The following ARVCF variants were observed in gnomAD, a reference collection of about 807,000 sequenced individuals.
ARVCF encodes the protein splicing regulator ARVCF.
ARVCF carries 66 observed loss-of-function variants against 90.9 expected under a neutral mutation model. That is an observed-to-expected ratio of 0.73 (90% CI 0.60 to 0.89). The LOEUF (loss-of-function observed/expected upper bound fraction) is 0.89, where lower values mean the gene tolerates loss of function less well. Ranked by LOEUF, ARVCF falls within the 40% of genes least tolerant of loss-of-function variation. The pLI is 0.00. For missense variants in ARVCF, 1,469 were observed against 1,382.3 expected (o/e 1.06, Z -1.00); for synonymous variants, 653 against 603.4 (o/e 1.08, Z -1.21).
At chr22:19,973,415 C>G in intron 13 of ARVCF, 98 bp from the exon 14 acceptor site, 1 of 1,425,240 alleles carries the variant, frequency 7.0e-7, no homozygotes, top group Non-Finnish European at 9.3e-7. Flanking sequence ...CAGGAGAGCC[C>G]CTGGAGACCG....
At chr22:19,975,107 C>T (rs1377371182) in intron 11 of ARVCF, among the ~76,000 whole-genome samples, 1 of 152,214 alleles carries the variant, frequency 6.6e-6, no homozygotes, top group Non-Finnish European at 1.5e-5. Flanking sequence ...GTATCTGCAT[C>T]AGCCCTGCTC....
At position 19,996,721 on chromosome 22, in the gene ARVCF, T is replaced by C. The variant is rs143695915; in HGVS notation, c.-18-5909A>G. Among the ~76,000 whole-genome samples the C allele has an allele frequency of 2.7e-3, 405 of 152,028 alleles. 1 individual carries two copies. Among genetic ancestry groups the C allele is most frequent in the Middle Eastern group, 0.014 (4 of 294 alleles). Reference sequence around the variant, plus strand: ...GCATAATCAGAACCTCAGTAGGAAATAGACAAACCAGATACCCTCCCCACC... The same window carrying C: ...GCATAATCAGAACCTCAGTAGGAAACAGACAAACCAGATACCCTCCCCACC... On this transcript the variant is annotated intron_variant, in intron 2 of 19. Transcript: ENST00000263207.
At chr22:19,993,822 G>T (rs976155959) in intron 2 of ARVCF, among the ~76,000 whole-genome samples, 1 of 152,212 alleles carries the variant, frequency 6.6e-6, no homozygotes, top group African/African-American at 2.4e-5. Flanking sequence ...AAAGGTCGGG[G>T]CTAAACTGAA....
intron 2 of ARVCF, among the ~76,000 whole-genome samples, chr22:19,997,991 G>A (rs1222563538): frequency 3.3e-5 from 5 of 152,226 alleles, no homozygotes; most frequent in Non-Finnish European, 7.3e-5. Context: ...CCCGTCCTCT[G>A]TACTCTGGGG....
chr22:20,008,217 C>T (rs763679350), intron 2 of ARVCF, among the ~76,000 whole-genome samples: 3 of 152,276 alleles, frequency 2.0e-5, no homozygotes, highest in South Asian at 4.1e-4. Context: ...AGGGGCCAGG[C>T]GGCCGCAGGA....
chr22:20,013,543 C>T (rs777151205), intron 1 of ARVCF, among the ~76,000 whole-genome samples: 2 of 152,244 alleles, frequency 1.3e-5, no homozygotes, highest in African/African-American at 2.4e-5. Flanking sequence ...CCTGGTCTGC[C>T]GCAGGAAGCT....
At chr22:19,994,982 C>T (rs746331934) in intron 2 of ARVCF, among the ~76,000 whole-genome samples, 5 of 151,438 alleles carry the variant, frequency 3.3e-5, no homozygotes, top group South Asian at 2.1e-4. Context: ...GACAGACAGA[C>T]GGGTGAATGG....
In ARVCF at chr22:19,994,717, G is replaced by C. The variant is rs1181775459; in HGVS notation, c.-18-3905C>G. On this transcript the variant is annotated intron_variant, in intron 2 of 19. Coordinates refer to ENST00000263207, the MANE Select transcript of ARVCF (RefSeq NM_001670.3). ...AACATATGGATGAATGGATGGATGG[G>C]TGGGTAGGTGGGGGGGAATGATGGG... Among the ~76,000 whole-genome samples, 3 of 133,448 alleles carry C rather than the reference G, an allele frequency of 2.2e-5. 1 individual carries two copies. The highest frequency in any genetic ancestry group is 8.6e-5 in the African/African-American group (3 of 34,890). 87.5% of individuals were successfully genotyped at this position (133,448 alleles called of 152,430 possible).
intron 2 of ARVCF, among the ~76,000 whole-genome samples, chr22:19,998,733 G>A (rs1301636022): frequency 6.6e-6 from 1 of 152,240 alleles, no homozygotes; most frequent in Admixed American, 6.5e-5. Flanking sequence ...CAGGAACAGT[G>A]CCTGGTGGGA....
At position 19,986,951 on chromosome 22, in the gene ARVCF, A is replaced by C; in HGVS notation, c.210+3634T>G. ...GACGCAGCCCAGCCAGGGGCGCAAGACAATAGCTGCCTCGGGCCAGCGGCT... is the reference window on the plus strand; with the variant it reads ...GACGCAGCCCAGCCAGGGGCGCAAGCCAATAGCTGCCTCGGGCCAGCGGCT... On this transcript the variant is annotated intron_variant, in intron 3 of 19. Coordinates refer to ENST00000263207, the MANE Select transcript of ARVCF (RefSeq NM_001670.3). 5 of 583,562 alleles carry C rather than the reference A, an allele frequency of 8.6e-6. No individual in the cohort carries two copies. In the South Asian group the frequency reaches 9.4e-5, roughly 11 times the overall value. 36.1% of individuals were successfully genotyped at this position (583,562 alleles called of 1,614,324 possible). A position where few individuals can be genotyped will look rare whatever the true frequency, so the allele number is the denominator to read the frequency against.
At chr22:20,012,262 G>A (rs1489993654) in intron 1 of ARVCF, among the ~76,000 whole-genome samples, 1 of 152,240 alleles carries the variant, frequency 6.6e-6, no homozygotes, top group Non-Finnish European at 1.5e-5. Context: ...GGAGATGGGT[G>A]GGAGCAGAGG....
chr22:19,994,574 G>A (rs1309057796), intron 2 of ARVCF, among the ~76,000 whole-genome samples: 1 of 99,614 alleles, frequency 1.0e-5, no homozygotes, highest in Non-Finnish European at 2.0e-5. Context: ...ATGGGTGGGT[G>A]GGGGGATGGT....
chr22:19,994,133 AG>A (rs1944133973), intron 2 of ARVCF, among the ~76,000 whole-genome samples: 1 of 151,826 alleles, frequency 6.6e-6, no homozygotes, highest in Non-Finnish European at 1.5e-5. Flanking sequence ...GAATGAATGG[AG>A]GGTGGCTGGG....
At chr22:19,991,609 G>T (rs184971400) in intron 2 of ARVCF, among the ~76,000 whole-genome samples, 1 of 152,250 alleles carries the variant, frequency 6.6e-6, no homozygotes, top group Admixed American at 6.5e-5. Context: ...GTGGGATTGG[G>T]CCTGCTGGGC....
intron 3 of ARVCF, among the ~76,000 whole-genome samples, chr22:19,984,909 A>G (rs998460165): frequency 6.6e-6 from 1 of 152,198 alleles, no homozygotes. Context: ...TGAGAGGCCC[A>G]TAGCCAGCTG....
chr22:19,965,664 A>C (rs1942352718), downstream of ARVCF: 1 of 152,312 alleles, frequency 6.6e-6, no homozygotes, highest in Non-Finnish European at 1.5e-5. Context: ...AAAACAACAA[A>C]AAACAACAAA....
rs116782322 is a variant in ARVCF at position 19,990,695 on chromosome 22, G to A, written c.100C>T (p.Arg34Trp). Residue 34 changes from arginine (R) to tryptophan (W), a missense_variant, in exon 3 of 20, where the codon CGG (arginine) becomes TGG (tryptophan). Arg to Trp is a moderately radical substitution (Grantham distance 101, BLOSUM62 -3). Coordinates refer to ENST00000263207, the MANE Select transcript of ARVCF (RefSeq NM_001670.3). The stretch of plus-strand genomic sequence containing the variant: ...TCCAGCTGTAGGGCAACATGGCGCC[G>A]CTCCTGCTCCAGTGCCCGTGTCAGC... ...ERLTRALEQE[R>W]RHVALQLERA... is the part of the protein sequence containing the mutation. The A allele has an allele frequency of 1.0e-3, 1,677 of 1,600,828 alleles. 15 individuals carry two copies. In the African/African-American group the frequency reaches 0.02, roughly 19 times the overall value.
chr22:19,974,079 G>T (rs1366604412), intron 12 of ARVCF, 33 bp downstream of exon 12: 1 of 1,584,042 alleles, frequency 6.3e-7, no homozygotes. Flanking sequence ...CCTCTCTCAG[G>T]ACTTGCCCAC....
chr22:19,966,609 T>G (rs1455722301), downstream of ARVCF, among the ~76,000 whole-genome samples: 2 of 151,734 alleles, frequency 1.3e-5, no homozygotes, highest in African/African-American at 4.9e-5. Flanking sequence ...CCTGGCTAAT[T>G]TAAAAATTTT....
Sources: allele counts gnomAD v4.1 joint callset (sites outside exome capture counted in the v4.1 genomes callset), GRCh38; gene constraint gnomAD v4.1.1; transcripts MANE v1.5; gene names NCBI Gene and HGNC (gene_info 2026-07-23, HGNC 2026-07-21).